The following WNT7A variants were observed in gnomAD, a reference collection of about 807,000 sequenced individuals.
WNT7A encodes the protein Wnt family member 7A, also known as protein Wnt-7a.
WNT7A carries 16 observed loss-of-function variants against 28.2 expected under a neutral mutation model. That is an observed-to-expected ratio of 0.57 (90% CI 0.38 to 0.86). WNT7A has a LOEUF of 0.86. WNT7A is among the 40% of genes least tolerant of loss of function. The pLI, the probability that WNT7A is intolerant of heterozygous loss-of-function variation, is 0.00. For synonymous variants in WNT7A, 190 were observed against 195.9 expected, an observed-to-expected ratio of 0.97 and a Z score of 0.25; for missense variants, 411 against 489.7, an observed-to-expected ratio of 0.84 and a Z score of 1.52.
intron 3 of WNT7A, among the ~76,000 whole-genome samples, chr3:13,828,155 C>A (rs1437018490): frequency 6.6e-6 from 1 of 152,224 alleles, no homozygotes; most frequent in African/African-American, 2.4e-5. Flanking sequence ...CAGGGCCAAA[C>A]TGAAGTGAGT....
intron 3 of WNT7A, among the ~76,000 whole-genome samples, chr3:13,846,305 G>A (rs764196538): frequency 1.2e-4 from 19 of 152,232 alleles, no homozygotes; most frequent in Non-Finnish European, 2.6e-4. Flanking sequence ...GAATCACAGG[G>A]TTTCAGGATC....
At chr3:13,834,321 G>GCTC (rs1694329891) in intron 3 of WNT7A, among the ~76,000 whole-genome samples, 1 of 152,120 alleles carries the variant, frequency 6.6e-6, no homozygotes, top group African/African-American at 2.4e-5. Flanking sequence ...GTTGTGGGGA[G>GCTC]CTGAGGAGAG....
At chr3:13,828,849 G>T (rs1694237009) in intron 3 of WNT7A, among the ~76,000 whole-genome samples, 2 of 152,172 alleles carry the variant, frequency 1.3e-5, no homozygotes, top group Admixed American at 6.5e-5. Context: ...GTGGCCAAAG[G>T]CAGCCTGAAG....
intron 3 of WNT7A, among the ~76,000 whole-genome samples, chr3:13,851,779 C>A (rs919588665): frequency 1.3e-5 from 2 of 152,222 alleles, no homozygotes; most frequent in African/African-American, 4.8e-5. Context: ...TTCCTCCCAA[C>A]TGAGGAGCCT....
chr3:13,832,058 A>T (rs969235437), intron 3 of WNT7A, among the ~76,000 whole-genome samples: 1 of 151,640 alleles, frequency 6.6e-6, no homozygotes, highest in African/African-American at 2.4e-5. Context: ...CAGAGCTGCC[A>T]CCACCTGCTC....
chr3:13,862,716 C>T (rs1694850796), intron 2 of WNT7A, among the ~76,000 whole-genome samples: 1 of 152,162 alleles, frequency 6.6e-6, no homozygotes, highest in African/African-American at 2.4e-5. Flanking sequence ...GCTCGGGAAA[C>T]TGGGGAGGGG....
At chr3:13,856,902 G>GAAGAAGAAGAAGAAGAAA (rs1575069711) in intron 2 of WNT7A, among the ~76,000 whole-genome samples, 1,554 of 56,196 alleles carry the variant, frequency 0.028, 15 homozygotes, top group Non-Finnish European at 0.035. Flanking sequence ...AAAAGAAGAA[G>GAAGAAGAAGAAGAAGAAA]AAGAAGAAGA....
At chr3:13,834,064 A>G (rs1389296460) in intron 3 of WNT7A, among the ~76,000 whole-genome samples, 1 of 152,148 alleles carries the variant, frequency 6.6e-6, no homozygotes, top group Non-Finnish European at 1.5e-5. Context: ...GGAAAGCGCA[A>G]ACTTGCTCCC....
rs1033410669 is a variant in WNT7A at position 13,817,937 on chromosome 3, CA to C, written c.*1006del. 3.9e-5 allele frequency: 6 copies of C among 152,188 alleles called. No individual in the cohort carries two copies. Among genetic ancestry groups the C allele is most frequent in the Non-Finnish European group, 7.3e-5 (5 of 68,046 alleles). 9.4% of individuals were successfully genotyped at this position (152,188 alleles called of 1,614,324 possible). Reference sequence around the variant, plus strand: ...CATGGATGAGATGATGCCTCAACCCCAGGCATCCAGGGGCAGCTTGTGCCCA... The same window carrying C: ...CATGGATGAGATGATGCCTCAACCCCGGCATCCAGGGGCAGCTTGTGCCCA... On this transcript the variant is annotated 3_prime_UTR_variant, in exon 4 of 4. Transcript: ENST00000285018.
intron 3 of WNT7A, among the ~76,000 whole-genome samples, chr3:13,824,558 C>T (rs1694163658): frequency 1.3e-5 from 2 of 152,212 alleles, no homozygotes; most frequent in South Asian, 2.1e-4. Context: ...TCTGAATGTG[C>T]CTGTGGCATC....
intron 3 of WNT7A, among the ~76,000 whole-genome samples, chr3:13,833,360 G>A (rs779171212): frequency 1.3e-4 from 20 of 152,054 alleles, no homozygotes; most frequent in African/African-American, 1.7e-4. Context: ...CATACTTCCC[G>A]GCACACAAGC....
intron 3 of WNT7A, among the ~76,000 whole-genome samples, chr3:13,832,526 T>A (rs1292759672): frequency 1.3e-5 from 2 of 151,224 alleles, no homozygotes; most frequent in African/African-American, 4.9e-5. Flanking sequence ...CTCTTCCTCC[T>A]CCTTCTCAGT....
chr3:13,843,988 C>T (rs992552959), intron 3 of WNT7A, among the ~76,000 whole-genome samples: 2 of 152,158 alleles, frequency 1.3e-5, no homozygotes, highest in African/African-American at 4.8e-5. Flanking sequence ...TCAGGTGATC[C>T]ACCCACCCTT....
intron 2 of WNT7A, among the ~76,000 whole-genome samples, chr3:13,874,568 A>T (rs1468654235): frequency 6.6e-6 from 1 of 152,206 alleles, no homozygotes; most frequent in African/African-American, 2.4e-5. Flanking sequence ...TTGCAACCAC[A>T]TGGGCACACA....
At chr3:13,855,083 G>A (rs747676526) in intron 2 of WNT7A, among the ~76,000 whole-genome samples, 1 of 152,242 alleles carries the variant, frequency 6.6e-6, no homozygotes, top group Non-Finnish European at 1.5e-5. Flanking sequence ...AAGGCCAGAT[G>A]TGGGGGACCC....
intron 3 of WNT7A, among the ~76,000 whole-genome samples, chr3:13,847,315 C>T (rs1272880124): frequency 6.6e-6 from 1 of 152,216 alleles, no homozygotes; most frequent in East Asian, 1.9e-4. Context: ...CCTACCTCAG[C>T]CTCTCATCCA....
intron 3 of WNT7A, among the ~76,000 whole-genome samples, chr3:13,851,631 T>C (rs1315708528): frequency 6.6e-6 from 1 of 152,224 alleles, no homozygotes; most frequent in Non-Finnish European, 1.5e-5. Context: ...ATTCTCTCAC[T>C]AGACTGAACG....
Position 13,854,613 on chromosome 3 carries a change from G to C in WNT7A, c.489C>G (p.Ala163=). 1 of 1,614,196 alleles carries C rather than the reference G, an allele frequency of 6.2e-7. No homozygotes were observed. Among genetic ancestry groups the C allele is most frequent in the Non-Finnish European group, 8.5e-7 (1 of 1,180,044 alleles). ...SADIRYGIGF[A]KVFVDAREIK... is the part of the protein sequence containing the mutation. ...TCTCCCGGGCATCCACAAAGACCTT[G>C]GCGAAGCCGATGCCGTAGCGGATGT... The change falls in exon 3 of 4, where the codon GCC becomes GCG. Residue 163 remains alanine (A), a synonymous_variant. Coordinates refer to ENST00000285018, the MANE Select transcript of WNT7A (RefSeq NM_004625.4).
At chr3:13,820,500 G>C (rs548352244) in intron 3 of WNT7A, among the ~76,000 whole-genome samples, 71 of 152,062 alleles carry the variant, frequency 4.7e-4, no homozygotes, top group African/African-American at 1.5e-3. Flanking sequence ...GGCGAACTGA[G>C]TGCCTGCTGG....
Sources: allele counts gnomAD v4.1 joint callset (sites outside exome capture counted in the v4.1 genomes callset), GRCh38; gene constraint gnomAD v4.1.1; transcripts MANE v1.5; gene names NCBI Gene and HGNC (gene_info 2026-07-23, HGNC 2026-07-21).